The following ZNF250 variants were observed in gnomAD, a reference collection of about 807,000 sequenced individuals.
The protein encoded by ZNF250 is zinc finger protein 250.
Under a neutral mutation model 37.1 loss-of-function variants are expected in ZNF250, and 13 were observed. The ratio of observed to expected loss-of-function variants is 0.35; its 90% CI spans 0.23 to 0.56. The LOEUF (loss-of-function observed/expected upper bound fraction) is 0.56. Ranked by LOEUF, ZNF250 falls within the 20% of genes least tolerant of loss-of-function variation. The pLI is 0.87. For missense variants in ZNF250, 474 were observed against 697.9 expected (o/e 0.68, Z 3.61); for synonymous variants, 251 against 265.6 (o/e 0.94, Z 0.54).
chr8:144,894,945 T>G (rs916060507), intron 1 of ZNF250, among the ~76,000 whole-genome samples: 3 of 152,272 alleles, frequency 2.0e-5, no homozygotes, highest in Admixed American at 6.5e-5. Context: ...ATTACAGGCC[T>G]GAGAACACCA....
Position 144,882,366 on chromosome 8 carries a change from T to C in ZNF250, c.817A>G (p.Thr273Ala), listed in dbSNP as rs755276321. The change falls in exon 6 of 6, where the codon ACA becomes GCA. Residue 273 changes from threonine to alanine, a missense_variant. This residue lies in a region of ZNF250 where 282 missense variants were observed against 470.4 expected (regional missense o/e 0.60). Coordinates refer to ENST00000417550, the MANE Select transcript of ZNF250 (RefSeq NM_001109689.4). This position sits in a 1 kb window ranked among gnomAD's most constrained non-coding sequence, Gnocchi z 5.5. ...AGACATTCGTGAGGCTTCTCTCCTGTATGTATCTTGTGATGCTGAGCAAGA... is the reference window on the plus strand; with the variant it reads ...AGACATTCGTGAGGCTTCTCTCCTGCATGTATCTTGTGATGCTGAGCAAGA... The part of the protein sequence containing the change: ...SDLAQHHKIH[T>A]GEKPHECLEC... The C allele has an allele frequency of 6.2e-7, 1 of 1,614,020 alleles. No individual in the cohort carries two copies. Among genetic ancestry groups the C allele is most frequent in the Non-Finnish European group, 8.5e-7 (1 of 1,179,928 alleles).
chr8:144,894,124 C>T (rs1199974057), intron 1 of ZNF250, among the ~76,000 whole-genome samples: 1 of 152,110 alleles, frequency 6.6e-6, no homozygotes, highest in African/African-American at 2.4e-5. Context: ...TTTCTACCCC[C>T]AGCTTGGTCT....
At chr8:144,898,089 G>C (rs1459438505) in intron 1 of ZNF250, among the ~76,000 whole-genome samples, 1 of 151,892 alleles carries the variant, frequency 6.6e-6, no homozygotes, top group African/African-American at 2.4e-5. Context: ...CAACAGTCAG[G>C]AGTTCAAGAC....
At chr8:144,899,149 T>G (rs1832922745) in intron 1 of ZNF250, among the ~76,000 whole-genome samples, 1 of 152,180 alleles carries the variant, frequency 6.6e-6, no homozygotes, top group Non-Finnish European at 1.5e-5. Context: ...TATTGCATGT[T>G]TTCACTCGTA....
At chr8:144,895,766 T>C (rs746516590) in intron 1 of ZNF250, among the ~76,000 whole-genome samples, 4 of 151,838 alleles carry the variant, frequency 2.6e-5, no homozygotes, top group Non-Finnish European at 5.9e-5. Context: ...TCCCAGCACT[T>C]TGGGAGGCCG....
chr8:144,891,152 G>A lies in ZNF250; in HGVS notation c.-54-749C>T, dbSNP rs1020891551. ...GGGAAAAAGGGGGAGCGGGGCAAGAGCTTTCCTGACACATTTGGTCCTGTA... is the reference window on the plus strand; with the variant it reads ...GGGAAAAAGGGGGAGCGGGGCAAGAACTTTCCTGACACATTTGGTCCTGTA... On this transcript the variant is annotated intron_variant, in intron 1 of 5. Coordinates refer to ENST00000417550, the MANE Select transcript of ZNF250 (RefSeq NM_001109689.4). The surrounding 1 kb of genome is among the most constrained non-coding windows in gnomAD (Gnocchi z 4.0). Among the ~76,000 whole-genome samples, 2 of 152,184 alleles carry A rather than the reference G, an allele frequency of 1.3e-5. No homozygotes were observed. Among genetic ancestry groups the A allele is most frequent in the African/African-American group, 2.4e-5 (1 of 41,444 alleles).
chr8:144,889,793 T>C (rs1832181413), intron 3 of ZNF250, 99 bp from the exon 4 acceptor site: 2 of 1,460,078 alleles, frequency 1.4e-6, no homozygotes, highest in Middle Eastern at 1.8e-4. Context: ...ACAGGACTGA[T>C]CTTCTGCTGG....
rs565653719 is a variant in ZNF250, at chr8:144,881,003, A to G, written c.*512T>C. 9.5e-4 allele frequency: 151 copies of G among 159,036 alleles called. No individual in the cohort carries two copies. Among genetic ancestry groups the G allele is most frequent in the Admixed American group, 2.1e-3 (35 of 16,880 alleles). The allele number at this position is 159,036 out of a possible 1,614,324, so 9.9% of individuals were successfully genotyped here. ...CACTTAGGATTTCCAACCATTTTAC[A>G]TGATGCTTGATGAAAATATCTTTTT... On this transcript the variant is annotated 3_prime_UTR_variant, in exon 6 of 6. Transcript: ENST00000417550.
chr8:144,892,650 G>C (rs557158124), intron 1 of ZNF250, among the ~76,000 whole-genome samples: 1 of 152,202 alleles, frequency 6.6e-6, no homozygotes, highest in Admixed American at 6.5e-5. Context: ...CACCTCCTGG[G>C]TTCAAGTGAT....
Position 144,881,633 on chromosome 8 carries a change from A to C in ZNF250, c.1550T>G (p.Leu517Arg), listed in dbSNP as rs1282676115. The part of the protein sequence containing the change: ...CGKAFSQYSV[L>R]IQHQRIHTGE... Reference sequence around the variant, plus strand: ...TGTGTGGATCCGCTGGTGCTGGATGAGCACTGAGTACTGGCTGAAGGCCTT... The same window carrying C: ...TGTGTGGATCCGCTGGTGCTGGATGCGCACTGAGTACTGGCTGAAGGCCTT... The change falls in exon 6 of 6, where the codon CTC becomes CGC. Residue 517 changes from leucine (L) to arginine (R), a missense_variant. Leu to Arg is a moderately radical substitution (Grantham distance 102). This residue lies in a region of ZNF250 where 282 missense variants were observed against 470.4 expected (regional missense o/e 0.60). Coordinates refer to ENST00000417550, the MANE Select transcript of ZNF250 (RefSeq NM_001109689.4). 2 of 1,613,770 alleles carry C rather than the reference A, an allele frequency of 1.2e-6. No homozygotes were observed. The highest frequency in any genetic ancestry group is 2.2e-5 in the South Asian group (2 of 91,054).
At chr8:144,898,809 T>A (rs1309812998) in intron 1 of ZNF250, among the ~76,000 whole-genome samples, 1 of 152,110 alleles carries the variant, frequency 6.6e-6, no homozygotes. Context: ...AAAGACAATA[T>A]GTATGGCCAA....
intron 5 of ZNF250, among the ~76,000 whole-genome samples, chr8:144,884,929 C>T (rs1258130343): frequency 6.6e-6 from 1 of 152,124 alleles, no homozygotes; most frequent in East Asian, 1.9e-4. Flanking sequence ...AATAATGAGG[C>T]TGAGCAGTTT....
intron 5 of ZNF250, 117 bp downstream of exon 5, chr8:144,886,723 T>C (rs899157234): frequency 1.3e-6 from 1 of 784,464 alleles, no homozygotes; most frequent in Non-Finnish European, 2.0e-6. Flanking sequence ...TTTGTAGCAA[T>C]TGTGTGAGTT....
In ZNF250 at chr8:144,881,345, T is replaced by A. The variant is rs1831451350; in HGVS notation, c.*170A>T. Reference sequence around the variant, plus strand: ...AAAATAAAACAGGTAGTCTCTGAAGTTTTTCCACAGGAACAGCACGCTAAG... The same window carrying A: ...AAAATAAAACAGGTAGTCTCTGAAGATTTTCCACAGGAACAGCACGCTAAG... On this transcript the variant is annotated 3_prime_UTR_variant, in exon 6 of 6. Coordinates refer to ENST00000417550, the MANE Select transcript of ZNF250 (RefSeq NM_001109689.4). The A allele has an allele frequency of 7.3e-6, 7 of 962,226 alleles. 1 individual carries two copies. The South Asian group carries it at 1.5e-4, about 21-fold the overall frequency. 59.6% of individuals were successfully genotyped at this position (962,226 alleles called of 1,614,324 possible).
In ZNF250 at chr8:144,882,220, C is replaced by T. The variant is rs1363942862; in HGVS notation, c.963G>A (p.Leu321=). The T allele has an allele frequency of 6.2e-7, 1 of 1,613,924 alleles. No homozygotes were observed. Among genetic ancestry groups the T allele is most frequent in the East Asian group, 2.2e-5 (1 of 44,874 alleles). The change falls in exon 6 of 6, where the codon CTG becomes CTA. Residue 321 remains leucine (L), a synonymous_variant. Coordinates refer to ENST00000417550, the MANE Select transcript of ZNF250 (RefSeq NM_001109689.4). The surrounding 1 kb of genome is among the most constrained non-coding windows in gnomAD (Gnocchi z 5.5). ...CGKAFNHSTV[L]RSHQRVHTGE... ...CAGTGTGTACCCTCTGGTGGCTCCG[C>T]AGAACAGTGCTATGGTTGAAGGCTT...
At chr8:144,899,416 G>A (rs1219460101) in intron 1 of ZNF250, among the ~76,000 whole-genome samples, 1 of 152,168 alleles carries the variant, frequency 6.6e-6, no homozygotes, top group Non-Finnish European at 1.5e-5. Context: ...AATGATGTTT[G>A]AGGTGACAGA....
Position 144,880,440 on chromosome 8 carries a change from G to A in ZNF250, c.*1075C>T, listed in dbSNP as rs544399096. ...CTGCATGGGAATTGAGACATCTCAC[G>A]GTTTCTGGGGCACAGGATCTGCAGG... On this transcript the variant is annotated 3_prime_UTR_variant, in exon 6 of 6. Coordinates refer to ENST00000417550, the MANE Select transcript of ZNF250 (RefSeq NM_001109689.4). 50 of 456,758 alleles carry A rather than the reference G, an allele frequency of 1.1e-4. No homozygotes were observed. The Middle Eastern group carries it at 1.3e-3, about 12-fold the overall frequency. 28.3% of individuals were successfully genotyped at this position (456,758 alleles called of 1,614,324 possible).
At position 144,880,294 on chromosome 8, in the gene ZNF250, A is replaced by G. The variant is rs555990780; in HGVS notation, c.*1221T>C. The stretch of plus-strand genomic sequence containing the variant: ...AATTTGAGAAATGTATGTTTTAAAT[A>G]TATCTACCAAAGAACAGTATTTTCA... On this transcript the variant is annotated 3_prime_UTR_variant, in exon 6 of 6. Transcript: ENST00000417550. 3.1e-5 allele frequency: 11 copies of G among 354,390 alleles called. No homozygotes were observed. The highest frequency in any genetic ancestry group is 1.7e-4 in the South Asian group (8 of 47,820). 22.0% of individuals were successfully genotyped at this position (354,390 alleles called of 1,614,324 possible).
chr8:144,880,757 G>C lies in ZNF250; in HGVS notation c.*758C>G. ...CGCATATCTATAATCCTAGTTACTT[G>C]GGAGACTGAGGCACAAGAAAAGCTT... On this transcript the variant is annotated 3_prime_UTR_variant, in exon 6 of 6. Transcript: ENST00000417550. The C allele has an allele frequency of 1.4e-5, 4 of 288,740 alleles. No homozygotes were observed. Among genetic ancestry groups the C allele is most frequent in the South Asian group, 1.3e-4 (4 of 31,176 alleles). The allele number at this position is 288,740 out of a possible 1,614,324, so 17.9% of individuals were successfully genotyped here. A position where few individuals can be genotyped will look rare whatever the true frequency, so the allele number is the denominator to read the frequency against.
Sources: allele counts gnomAD v4.1 joint callset (sites outside exome capture counted in the v4.1 genomes callset), GRCh38; gene constraint gnomAD v4.1.1; regional missense constraint gnomAD v4.1.1; non-coding constraint Gnocchi (gnomAD v3.1); transcripts MANE v1.5; gene names NCBI Gene and HGNC (gene_info 2026-07-23, HGNC 2026-07-21).